The following UGT1A10 variants were observed in gnomAD, a reference collection of about 807,000 sequenced individuals.
UGT1A10 encodes UDP-glucuronosyltransferase 1A10.
Under a neutral mutation model 45.8 loss-of-function variants are expected in UGT1A10, and 49 were observed. The ratio of observed to expected loss-of-function variants is 1.07; its 90% CI spans 0.85 to 1.36. The LOEUF (loss-of-function observed/expected upper bound fraction) is 1.36, where lower values mean the gene tolerates loss of function less well. UGT1A10 is among the 40% of genes most tolerant of loss of function. The probability of loss-of-function intolerance (pLI) is 0.00; values close to 1 mark genes in which losing one functional copy is unlikely to be tolerated. For missense variants in UGT1A10, 745 were observed against 668.6 expected (o/e 1.11, Z -1.26); for synonymous variants, 284 against 249.7 (o/e 1.14, Z -1.29).
chr2:233,699,722 A>G (rs2075519528), intron 1 of UGT1A10, among the ~76,000 whole-genome samples: 1 of 152,204 alleles, frequency 6.6e-6, no homozygotes, highest in African/African-American at 2.4e-5. Flanking sequence ...AGCATTTTTT[A>G]CGGAGCGTTT....
intron 1 of UGT1A10, among the ~76,000 whole-genome samples, chr2:233,653,574 G>A (rs1364119470): frequency 6.6e-6 from 1 of 152,158 alleles, no homozygotes; most frequent in African/African-American, 2.4e-5. Context: ...GTTGCTTAAA[G>A]TGCCCAAGTC....
chr2:233,728,197 T>C (rs2077689695), intron 1 of UGT1A10, among the ~76,000 whole-genome samples: 1 of 152,224 alleles, frequency 6.6e-6, no homozygotes, highest in Non-Finnish European at 1.5e-5. Flanking sequence ...TGGTGCTGGA[T>C]TGACTTGGAG....
At chr2:233,741,718 G>A (rs530950175) in intron 1 of UGT1A10, 1 of 151,874 alleles carries the variant, frequency 6.6e-6, no homozygotes, top group Non-Finnish European at 1.5e-5. Flanking sequence ...GGGTTCTAGA[G>A]CATATCCAAA....
intron 1 of UGT1A10, among the ~76,000 whole-genome samples, chr2:233,744,426 A>T (rs1305871447): frequency 6.6e-6 from 1 of 151,832 alleles, no homozygotes; most frequent in African/African-American, 2.4e-5. Flanking sequence ...TGTGGATTAT[A>T]TCTATCATAC....
intron 1 of UGT1A10, chr2:233,743,986 G>A (rs1692630126): frequency 1.6e-6 from 2 of 1,282,376 alleles, no homozygotes; most frequent in South Asian, 2.6e-5. Context: ...CCCAGGCGCA[G>A]GCCCGAGTGC....
chr2:233,719,268 T>C (rs12468274), intron 1 of UGT1A10: 110,466 of 1,614,086 alleles, frequency 0.068, 5,154 homozygotes, highest in South Asian at 0.18. Context: ...TGATGTGGTT[T>C]TAACAGACCC....
intron 1 of UGT1A10, chr2:233,760,772 A>C: frequency 6.2e-7 from 1 of 1,613,930 alleles, no homozygotes; most frequent in Non-Finnish European, 8.5e-7. Flanking sequence ...ATCGTGGCCC[A>C]GTACCTGTCT....
rs1417813271 is a variant in UGT1A10 at position 233,725,080 on chromosome 2, G to C, written c.856-41954G>C. Reference sequence around the variant, plus strand: ...CGCGCGCCTGCAATCGCAGGCACTCGGCAGGCTGAGGCAGGAGAATCAGGC... The same window carrying C: ...CGCGCGCCTGCAATCGCAGGCACTCCGCAGGCTGAGGCAGGAGAATCAGGC... On this transcript the variant is annotated intron_variant, in intron 1 of 4. Coordinates refer to ENST00000344644, the MANE Select transcript of UGT1A10 (RefSeq NM_019075.4). 2.8e-5 allele frequency among the ~76,000 whole-genome samples: 4 copies of C among 144,008 alleles called. No homozygotes were observed. In the Admixed American group the frequency reaches 2.8e-4, roughly 10 times the overall value. 94.5% of individuals were successfully genotyped at this position (144,008 alleles called of 152,430 possible).
At chr2:233,651,365 A>G (rs2073736684) in intron 1 of UGT1A10, among the ~76,000 whole-genome samples, 1 of 152,234 alleles carries the variant, frequency 6.6e-6, no homozygotes, top group South Asian at 2.1e-4. Flanking sequence ...TAAGATATGT[A>G]TAAAATAGGA....
At chr2:233,677,079 A>C (rs1311557264) in intron 1 of UGT1A10, among the ~76,000 whole-genome samples, 1 of 152,082 alleles carries the variant, frequency 6.6e-6, no homozygotes, top group East Asian at 1.9e-4. Context: ...TAATGTGTGC[A>C]AAAATCCTGC....
intron 1 of UGT1A10, among the ~76,000 whole-genome samples, chr2:233,746,400 G>T (rs1245323229): frequency 6.6e-6 from 1 of 151,734 alleles, no homozygotes. Context: ...GGAGCTGGGA[G>T]TGTGTCCAAT....
At chr2:233,738,943 T>C (rs1690943388) in intron 1 of UGT1A10, 1 of 152,080 alleles carries the variant, frequency 6.6e-6, no homozygotes, top group African/African-American at 2.4e-5. Flanking sequence ...AAAAATGGTG[T>C]TTTAGGCTGG....
chr2:233,637,150 C>A lies in UGT1A10; in HGVS notation c.628C>A (p.His210Asn). 6.2e-7 allele frequency: 1 copy of A among 1,613,928 alleles called. No individual in the cohort carries two copies. Among genetic ancestry groups the A allele is most frequent in the Non-Finnish European group, 8.5e-7 (1 of 1,179,868 alleles). Residue 210 changes from histidine to asparagine, a missense_variant, in exon 1 of 5, where the codon CAC (histidine) becomes AAC (asparagine). Physicochemically the swap from His to Asn is moderately conservative, Grantham distance 68. Coordinates refer to ENST00000344644, the MANE Select transcript of UGT1A10 (RefSeq NM_019075.4). The part of the protein sequence containing the change: ...AMTFKERVWN[H>N]IVHLEDHLFC... The stretch of plus-strand genomic sequence containing the variant: ...GACTTTCAAGGAGAGAGTATGGAAC[C>A]ACATCGTGCACTTGGAGGACCATTT...
At chr2:233,744,517 G>A (rs1213288029) in intron 1 of UGT1A10, among the ~76,000 whole-genome samples, 1 of 151,928 alleles carries the variant, frequency 6.6e-6, no homozygotes, top group African/African-American at 2.4e-5. Context: ...TGACACAATA[G>A]CAAATCTTAT....
At chr2:233,722,546 CT>C (rs1401717702) in intron 1 of UGT1A10, among the ~76,000 whole-genome samples, 1 of 152,096 alleles carries the variant, frequency 6.6e-6, no homozygotes, top group East Asian at 1.9e-4. Context: ...ATCCTAGTTT[CT>C]TTTGGTTGAT....
At chr2:233,747,842 G>C in intron 1 of UGT1A10, 1 of 1,613,390 alleles carries the variant, frequency 6.2e-7, no homozygotes, top group Non-Finnish European at 8.5e-7. Context: ...TCCTGCAAAG[G>C]GTCAAGAACA....
Position 233,747,516 on chromosome 2 carries a change from G to C in UGT1A10, c.856-19518G>C, listed in dbSNP as rs1693703556. The C allele has an allele frequency of 1.9e-6, 3 of 1,607,196 alleles. 1 individual carries two copies. The African/African-American group carries it at 4.0e-5, about 22-fold the overall frequency. On this transcript the variant is annotated intron_variant, in intron 1 of 4. Coordinates refer to ENST00000344644, the MANE Select transcript of UGT1A10 (RefSeq NM_019075.4). ...GCTGGGCCACACTCAACTGTACTTT[G>C]AAACAGAACATTTTCTGAAGACATT...
At chr2:233,757,844 A>G (rs1442911565) in intron 1 of UGT1A10, among the ~76,000 whole-genome samples, 1 of 151,968 alleles carries the variant, frequency 6.6e-6, no homozygotes. Context: ...CTACTAACTT[A>G]TGTCTTCAGC....
intron 1 of UGT1A10, among the ~76,000 whole-genome samples, chr2:233,738,158 C>T (rs1307511207): frequency 6.6e-6 from 1 of 152,194 alleles, no homozygotes; most frequent in Admixed American, 6.5e-5. Flanking sequence ...AGCTATTCCT[C>T]TTTCTCTCTT....
Sources: allele counts gnomAD v4.1 joint callset (sites outside exome capture counted in the v4.1 genomes callset), GRCh38; gene constraint gnomAD v4.1.1; transcripts MANE v1.5; gene names NCBI Gene and HGNC (gene_info 2026-07-23, HGNC 2026-07-21).